SLC37A1: variants seen among roughly 807,000 people sequenced by gnomAD.
The protein encoded by SLC37A1 is solute carrier family 37 member 1, also known as glucose-6-phosphate exchanger SLC37A1.
SLC37A1 carries 49 observed loss-of-function variants against 75.3 expected under a neutral mutation model. The observed-to-expected ratio is 0.65, with a 90% CI of 0.52 to 0.83. SLC37A1 has a LOEUF of 0.83. Ranked by LOEUF, SLC37A1 falls within the 40% of genes least tolerant of loss-of-function variation. The pLI is 0.00. For synonymous variants in SLC37A1, 268 were observed against 292.1 expected, an observed-to-expected ratio of 0.92 and a Z score of 0.84; for missense variants, 566 against 695.0, an observed-to-expected ratio of 0.81 and a Z score of 2.09.
rs199619177 is a variant in SLC37A1 at position 42,535,548 on chromosome 21, C to T, written c.348C>T (p.Leu116=). ...FLCAYAVGMY[L]SGIIGERLPI... ...GCGCCTATGCCGTGGGGATGTACCT[C>T]AGGTAGGTCTCCTTCAGTTTTCCAG... The change falls in exon 5 of 20, where the codon CTC becomes CTT. Residue 116 remains leucine, a splice_region_variant and synonymous_variant. Transcript: ENST00000352133. 1 of 1,613,926 alleles carries T rather than the reference C, an allele frequency of 6.2e-7. No homozygotes were observed. The highest frequency in any genetic ancestry group is 1.7e-5 in the Admixed American group (1 of 60,022).
In SLC37A1 at chr21:42,516,360, C is replaced by T. The variant is rs374698493; in HGVS notation, c.-179+1643C>T. Among the ~76,000 whole-genome samples, 43 of 152,298 alleles carry T rather than the reference C, an allele frequency of 2.8e-4. 1 individual carries two copies. The South Asian group carries it at 8.3e-3, about 29-fold the overall frequency. On this transcript the variant is annotated intron_variant, in intron 1 of 19. Transcript: ENST00000352133. Reference sequence around the variant, plus strand: ...CAGCTGACCCAGGCGAGCCGCCTAGCCTCATTTTTCTCCCTTGTGAAAAGA... The same window carrying T: ...CAGCTGACCCAGGCGAGCCGCCTAGTCTCATTTTTCTCCCTTGTGAAAAGA...
chr21:42,544,210 CAG>C (rs2055352667), intron 8 of SLC37A1, among the ~76,000 whole-genome samples: 1 of 152,172 alleles, frequency 6.6e-6, no homozygotes, highest in Admixed American at 6.5e-5. Context: ...GGTCACACGA[CAG>C]GGGCTCGAAT....
At chr21:42,530,915 C>T (rs2054955262) in intron 3 of SLC37A1, among the ~76,000 whole-genome samples, 1 of 152,172 alleles carries the variant, frequency 6.6e-6, no homozygotes, top group Admixed American at 6.5e-5. Context: ...TGCGAAGTGG[C>T]TCAAATTCAG....
At chr21:42,522,073 C>T (rs1019144586) in intron 2 of SLC37A1, among the ~76,000 whole-genome samples, 4 of 152,198 alleles carry the variant, frequency 2.6e-5, no homozygotes, top group African/African-American at 7.2e-5. Context: ...TGTGTGGCCA[C>T]GTGGCCTCCC....
At chr21:42,565,330 G>A (rs577861238) in intron 14 of SLC37A1, among the ~76,000 whole-genome samples, 1 of 152,382 alleles carries the variant, frequency 6.6e-6, no homozygotes, top group South Asian at 2.1e-4. Flanking sequence ...AGTGGACGCT[G>A]TAGCTCTGCG....
chr21:42,571,480 C>A (rs941993963), intron 17 of SLC37A1, among the ~76,000 whole-genome samples: 5 of 152,226 alleles, frequency 3.3e-5, no homozygotes, highest in Admixed American at 6.5e-5. Flanking sequence ...ACCTTAGAAG[C>A]TAGACAGTCC....
chr21:42,510,038 A>G (rs924533430), upstream of SLC37A1, among the ~76,000 whole-genome samples: 8 of 152,176 alleles, frequency 5.3e-5, no homozygotes, highest in African/African-American at 1.9e-4. Context: ...GAAAAATTAA[A>G]GTGTAGGATT....
At chr21:42,523,240 G>A (rs938863631) in intron 2 of SLC37A1, among the ~76,000 whole-genome samples, 4 of 152,228 alleles carry the variant, frequency 2.6e-5, no homozygotes, top group African/African-American at 4.8e-5. Context: ...CTGGGGAGGT[G>A]CTGGAGGCAA....
At chr21:42,522,342 C>T (rs753705257) in intron 2 of SLC37A1, among the ~76,000 whole-genome samples, 4 of 152,130 alleles carry the variant, frequency 2.6e-5, no homozygotes, top group African/African-American at 7.2e-5. Context: ...GATAGAATTA[C>T]GAAATAAGAA....
intron 9 of SLC37A1, among the ~76,000 whole-genome samples, chr21:42,549,795 G>A (rs1018394628): frequency 6.6e-6 from 1 of 152,100 alleles, no homozygotes; most frequent in Non-Finnish European, 1.5e-5. Flanking sequence ...ACTTGTTCTG[G>A]GAAGTTCCCA....
chr21:42,565,752 G>C (rs375321326), intron 14 of SLC37A1, 75 bp from the exon 15 acceptor site: 2 of 1,414,052 alleles, frequency 1.4e-6, no homozygotes, highest in Admixed American at 3.6e-5. Flanking sequence ...CCGGGTTTTT[G>C]AGAAGTAGAT....
chr21:42,546,891 G>A lies in SLC37A1; in HGVS notation c.731-212G>A, dbSNP rs548515106. ...ATAGTAAAAAGGTTACTAGTAAAGC[G>A]AAGCAAGTTAACATAGCCATCGCAA... On this transcript the variant is annotated intron_variant, in intron 8 of 19. Transcript: ENST00000352133. Among the ~76,000 whole-genome samples, 557 of 152,342 alleles carry A rather than the reference G, an allele frequency of 3.7e-3. 3 individuals are homozygous for A. The highest frequency in any genetic ancestry group is 0.013 in the African/African-American group (534 of 41,580).
At chr21:42,530,625 CACACACACACACACACACACACACACACA>C (rs1568996879) in intron 3 of SLC37A1, among the ~76,000 whole-genome samples, 25 of 106,726 alleles carry the variant, frequency 2.3e-4, no homozygotes, top group African/African-American at 7.2e-4. Context: ...CACACACACA[CACACACACACACACACACACACACACACA>C]CCCCCTCTGT....
chr21:42,542,949 C>T (rs2055319758), intron 7 of SLC37A1, among the ~76,000 whole-genome samples: 1 of 152,234 alleles, frequency 6.6e-6, no homozygotes, highest in South Asian at 2.1e-4. Flanking sequence ...TAAAATTCAG[C>T]TCAGCCAGGC....
At position 42,572,677 on chromosome 21, in the gene SLC37A1, C is replaced by CAAAAAAAAAAAAAAAA. The variant is rs552610279; in HGVS notation, c.1424-2127_1424-2126insAAAAAAAAAAAAAAAA. Reference sequence around the variant, plus strand: ...TAACAGGTTTTCAGCCACACACACACAAAAAAAAAAAAAAGAGTGTGTCCT... The same window carrying CAAAAAAAAAAAAAAAA: ...TAACAGGTTTTCAGCCACACACACACAAAAAAAAAAAAAAAAAAAAAAAAAAAAAAGAGTGTGTCCT... On this transcript the variant is annotated intron_variant, in intron 17 of 19. Transcript: ENST00000352133. Among the ~76,000 whole-genome samples the CAAAAAAAAAAAAAAAA allele has an allele frequency of 8.7e-5, 7 of 80,498 alleles. 1 individual carries two copies. Among genetic ancestry groups the CAAAAAAAAAAAAAAAA allele is most frequent in the Non-Finnish European group, 1.9e-4 (7 of 36,310 alleles). The allele number at this position is 80,498 out of a possible 152,430, so 52.8% of individuals were successfully genotyped here.
chr21:42,556,070 C>T (rs1199194056), intron 10 of SLC37A1, among the ~76,000 whole-genome samples: 2 of 152,218 alleles, frequency 1.3e-5, no homozygotes, highest in Admixed American at 6.5e-5. Flanking sequence ...TGTCACGTAG[C>T]AGGCAGTTTC....
At chr21:42,574,989 C>CTT in intron 18 of SLC37A1, 74 bp downstream of exon 18, 1 of 1,593,506 alleles carries the variant, frequency 6.3e-7, no homozygotes, top group Admixed American at 1.7e-5. Flanking sequence ...ACTGGTGGAA[C>CTT]TTTCTCCCAT....
At chr21:42,508,189 C>T (rs777500794) in intron 2 of SLC37A1, among the ~76,000 whole-genome samples, 8 of 138,418 alleles carry the variant, frequency 5.8e-5, no homozygotes, top group Admixed American at 8.2e-5. Context: ...AGTGCAATGG[C>T]GCAATCTCAG....
chr21:42,575,753 T>C (rs756317208), intron 18 of SLC37A1: 335 of 985,322 alleles, frequency 3.4e-4, no homozygotes, highest in South Asian at 6.6e-4. Context: ...GAAAGTCTTA[T>C]ATTTTAATTC....
Sources: allele counts gnomAD v4.1 joint callset (sites outside exome capture counted in the v4.1 genomes callset), GRCh38; gene constraint gnomAD v4.1.1; transcripts MANE v1.5; gene names NCBI Gene and HGNC (gene_info 2026-07-23, HGNC 2026-07-21).